The following GULP1 variants were observed in gnomAD, a reference collection of about 807,000 sequenced individuals.
GULP1 encodes the protein PTB domain-containing engulfment adapter protein 1.
GULP1 carries 19 observed loss-of-function variants against 40.9 expected under a neutral mutation model. The observed-to-expected ratio is 0.46, with a 90% CI of 0.32 to 0.68. The LOEUF (loss-of-function observed/expected upper bound fraction) is 0.68, where lower values mean the gene tolerates loss of function less well. GULP1 is among the 30% of genes least tolerant of loss of function. GULP1 has a pLI of 0.03. For synonymous variants in GULP1, 119 were observed against 117.6 expected, an observed-to-expected ratio of 1.01 and a Z score of -0.08; for missense variants, 312 against 362.2, an observed-to-expected ratio of 0.86 and a Z score of 1.12.
At chr2:188,399,593 TC>T (rs1244178424) in intron 2 of GULP1, among the ~76,000 whole-genome samples, 1 of 150,276 alleles carries the variant, frequency 6.7e-6, no homozygotes, top group African/African-American at 2.5e-5. Context: ...GTGGCTTATA[TC>T]TGTAATCCCA....
At chr2:188,514,155 T>C (rs1318603974) in intron 4 of GULP1, among the ~76,000 whole-genome samples, 1 of 150,810 alleles carries the variant, frequency 6.6e-6, no homozygotes, top group Non-Finnish European at 1.5e-5. Flanking sequence ...GCAAGGCTCC[T>C]GCCACCTGGG....
intron 1 of GULP1, among the ~76,000 whole-genome samples, chr2:188,295,899 A>G (rs2105898700): frequency 6.6e-6 from 1 of 152,192 alleles, no homozygotes; most frequent in East Asian, 1.9e-4. Context: ...AATCCTTAAA[A>G]TTCTTATTTC....
intron 1 of GULP1, among the ~76,000 whole-genome samples, chr2:188,308,887 T>C (rs2037589785): frequency 6.6e-6 from 1 of 152,112 alleles, no homozygotes; most frequent in Admixed American, 6.6e-5. Context: ...GTATCTGCCG[T>C]GGTACTTGTA....
chr2:188,317,136 T>C (rs2039211153), intron 1 of GULP1, among the ~76,000 whole-genome samples: 1 of 152,148 alleles, frequency 6.6e-6, no homozygotes, highest in African/African-American at 2.4e-5. Flanking sequence ...TCCCCCATGA[T>C]GTATGTAGCC....
intron 7 of GULP1, among the ~76,000 whole-genome samples, chr2:188,553,476 A>G (rs944193224): frequency 2.0e-5 from 3 of 151,918 alleles, no homozygotes; most frequent in African/African-American, 4.8e-5. Flanking sequence ...ACTGATTTGT[A>G]TATGTTGAAC....
At chr2:188,328,739 C>T (rs2041117907) in intron 1 of GULP1, among the ~76,000 whole-genome samples, 1 of 152,072 alleles carries the variant, frequency 6.6e-6, no homozygotes, top group African/African-American at 2.4e-5. Flanking sequence ...TGCAGATTCA[C>T]CTAATGTCTG....
chr2:188,586,924 G>A (rs1170711915), intron 10 of GULP1, among the ~76,000 whole-genome samples: 1 of 151,786 alleles, frequency 6.6e-6, no homozygotes, highest in Non-Finnish European at 1.5e-5. Flanking sequence ...TAGGGTACAT[G>A]TGCACATTGT....
chr2:188,556,298 TA>T lies in GULP1; in HGVS notation c.400-12940del, dbSNP rs1301376094. Among the ~76,000 whole-genome samples, 5 of 152,302 alleles carry T rather than the reference TA, an allele frequency of 3.3e-5. No homozygotes were observed. In the East Asian group the frequency reaches 5.8e-4, roughly 18 times the overall value. On this transcript the variant is annotated intron_variant, in intron 7 of 11. Transcript: ENST00000409830. The stretch of plus-strand genomic sequence containing the variant: ...AAGATCTGTCTTTAAAGATTTGAGA[TA>T]TTTTTTTCTTCCACTTGATCTAGTC...
intron 2 of GULP1, among the ~76,000 whole-genome samples, chr2:188,414,238 A>T (rs1015933682): frequency 6.6e-6 from 1 of 150,590 alleles, no homozygotes; most frequent in Non-Finnish European, 1.5e-5. Flanking sequence ...AAAAAAAAAG[A>T]AAAAGAAGAG....
chr2:188,504,011 T>A (rs1333862229), intron 4 of GULP1, among the ~76,000 whole-genome samples: 1 of 151,934 alleles, frequency 6.6e-6, no homozygotes, highest in Non-Finnish European at 1.5e-5. Flanking sequence ...CTGATCTTCA[T>A]CTGCCCAATA....
intron 1 of GULP1, among the ~76,000 whole-genome samples, chr2:188,304,699 G>A (rs555779278): frequency 6.6e-6 from 1 of 152,212 alleles, no homozygotes; most frequent in South Asian, 2.1e-4. Flanking sequence ...TCCCTCTGAT[G>A]GCACAATGAG....
At chr2:188,382,487 C>T (rs1005629587) in intron 1 of GULP1, among the ~76,000 whole-genome samples, 14 of 152,214 alleles carry the variant, frequency 9.2e-5, no homozygotes, top group African/African-American at 3.4e-4. Context: ...CTGGGATCAT[C>T]TCCCAAATAA....
chr2:188,582,104 A>T (rs533048814), intron 9 of GULP1, among the ~76,000 whole-genome samples: 154 of 152,296 alleles, frequency 1.0e-3, no homozygotes, highest in African/African-American at 3.6e-3. Context: ...TCTATTTAAA[A>T]TACCAAAAAA....
intron 1 of GULP1, among the ~76,000 whole-genome samples, chr2:188,295,923 T>C (rs2034814798): frequency 6.6e-6 from 1 of 152,110 alleles, no homozygotes; most frequent in South Asian, 2.1e-4. Context: ...TGATGAATGG[T>C]AGGTGATTTT....
intron 1 of GULP1, among the ~76,000 whole-genome samples, chr2:188,316,382 A>G (rs1207857521): frequency 6.6e-6 from 1 of 152,040 alleles, no homozygotes; most frequent in Non-Finnish European, 1.5e-5. Flanking sequence ...TTACAGTTGC[A>G]CACTCACTTC....
chr2:188,581,016 G>T (rs1241095416), intron 9 of GULP1, among the ~76,000 whole-genome samples: 1 of 152,120 alleles, frequency 6.6e-6, no homozygotes, highest in Non-Finnish European at 1.5e-5. Flanking sequence ...TGGGAGAAAG[G>T]TGCCCTCATC....
chr2:188,477,893 C>G (rs1285948611), intron 3 of GULP1, among the ~76,000 whole-genome samples, 163 bp downstream of exon 3: 4 of 152,086 alleles, frequency 2.6e-5, no homozygotes, highest in African/African-American at 9.7e-5. Context: ...ATTAGCTTTC[C>G]TTAGTTATCA....
At chr2:188,352,416 A>T (rs142586049) in intron 1 of GULP1, among the ~76,000 whole-genome samples, 135 of 152,238 alleles carry the variant, frequency 8.9e-4, no homozygotes, top group African/African-American at 3.0e-3. Flanking sequence ...ATTTTCAACT[A>T]GAACTTACTC....
chr2:188,390,820 C>A (rs1307922789), intron 2 of GULP1, among the ~76,000 whole-genome samples: 1 of 151,954 alleles, frequency 6.6e-6, no homozygotes, highest in Non-Finnish European at 1.5e-5. Flanking sequence ...GATCCAGTTT[C>A]ACTCTTCTAC....
Sources: gnomAD v4.1 joint callset for allele counts (sites outside exome capture counted in the v4.1 genomes callset) on GRCh38, gnomAD v4.1.1 for gene constraint, MANE v1.5 for transcripts, NCBI Gene and HGNC (gene_info 2026-07-23, HGNC 2026-07-21) for gene names.